The following TLR4 variants were observed in gnomAD, a reference collection of about 807,000 sequenced individuals.
The protein encoded by TLR4 is toll-like receptor 4.
In TLR4, 17 loss-of-function variants were observed where a neutral mutation model predicts 27.4. The observed-to-expected ratio is 0.62, with a 90% CI of 0.42 to 0.93. The LOEUF is 0.93. Among genes scored for constraint, TLR4 ranks in the 40% least tolerant of loss-of-function variants. TLR4 has a pLI of 0.00. For missense variants in TLR4, 926 were observed against 962.3 expected (o/e 0.96, Z 0.50); for synonymous variants, 363 against 365.7 (o/e 0.99, Z 0.08).
intron 1 of TLR4, among the ~76,000 whole-genome samples, chr9:117,707,252 C>T (rs184189026): frequency 6.6e-5 from 10 of 152,268 alleles, no homozygotes; most frequent in Non-Finnish European, 1.2e-4. Flanking sequence ...AGCAGACATA[C>T]GAATGAAGAT....
Position 117,714,448 on chromosome 9 carries a change from G to A in TLR4, c.2320G>A (p.Val774Met), listed in dbSNP as rs1829305257. 4 of 1,613,918 alleles carry A rather than the reference G, an allele frequency of 2.5e-6. No homozygotes were observed. The highest frequency in any genetic ancestry group is 2.5e-6 in the Non-Finnish European group (3 of 1,179,994). ...AGIIFIVLQK[V>M]EKTLLRQQVE... ...TATCATCTTCATTGTCCTGCAGAAG[G>A]TGGAGAAGACCCTGCTCAGGCAGCA... The change falls in exon 3 of 3, where the codon GTG (valine) becomes ATG (methionine). Residue 774 changes from valine to methionine, a missense_variant. By Grantham distance (21) the Val-to-Met change is conservative (BLOSUM62 1). Transcript: ENST00000355622.
rs1308429970 is a variant in TLR4, at chr9:117,717,659, CG to C, written c.*3012del. 6.6e-6 allele frequency: 1 copy of C among 151,992 alleles called. No individual in the cohort carries two copies. Among genetic ancestry groups the C allele is most frequent in the Non-Finnish European group, 1.5e-5 (1 of 68,004 alleles). 9.4% of individuals were successfully genotyped at this position (151,992 alleles called of 1,614,324 possible). ...GAAAATGTATGATTTTGTGTATATC[CG>C]TGCTACATGTAAGTGTGGTTCTATT... On this transcript the variant is annotated 3_prime_UTR_variant, in exon 3 of 3. Coordinates refer to ENST00000355622, the MANE Select transcript of TLR4 (RefSeq NM_138554.5).
rs1829423035 is a variant in TLR4, at chr9:117,721,546, A to G, written c.*6898A>G. 2 of 152,242 alleles carry G rather than the reference A, an allele frequency of 1.3e-5. No homozygotes were observed. Among genetic ancestry groups the G allele is most frequent in the South Asian group, 4.1e-4 (2 of 4,834 alleles). 9.4% of individuals were successfully genotyped at this position (152,242 alleles called of 1,614,324 possible). A position where few individuals can be genotyped will look rare whatever the true frequency, so the allele number is the denominator to read the frequency against. ...AAGATGACAAAGTTGAGCAGGTCCCAAACTCTCACTTTTAAACAAATGCTT... is the reference window on the plus strand; with the variant it reads ...AAGATGACAAAGTTGAGCAGGTCCCGAACTCTCACTTTTAAACAAATGCTT... On this transcript the variant is annotated 3_prime_UTR_variant, in exon 3 of 3. Transcript: ENST00000355622.
chr9:117,713,221 A>G lies in TLR4; in HGVS notation c.1093A>G (p.Asn365Asp). 2.5e-6 allele frequency: 4 copies of G among 1,613,988 alleles called. No homozygotes were observed. The highest frequency in any genetic ancestry group is 1.1e-5 in the South Asian group (1 of 91,076). ...TACTTTCACTTCCAACAAAGGTGGG[A>G]ATGCTTTTTCAGAAGTTGATCTACC... ...RLTFTSNKGG[N>D]AFSEVDLPSL... Residue 365 changes from asparagine (N) to aspartate (D), a missense_variant, in exon 3 of 3, where the codon AAT becomes GAT. Physicochemically the swap from Asn to Asp is conservative, Grantham distance 23 (BLOSUM62 1). Coordinates refer to ENST00000355622, the MANE Select transcript of TLR4 (RefSeq NM_138554.5).
rs55871844 is a variant in TLR4 at position 117,716,890 on chromosome 9, A to G, written c.*2242A>G. ...ATATCAATTATGTCTGAATGAAGCT[A>G]TAAAAAAGAAAAGACAACAAAATTC... On this transcript the variant is annotated 3_prime_UTR_variant, in exon 3 of 3. Coordinates refer to ENST00000355622, the MANE Select transcript of TLR4 (RefSeq NM_138554.5). 1 of 152,216 alleles carries G rather than the reference A, an allele frequency of 6.6e-6. No individual in the cohort carries two copies. The highest frequency in any genetic ancestry group is 2.1e-4 in the South Asian group (1 of 4,832). The allele number at this position is 152,216 out of a possible 1,614,324, so 9.4% of individuals were successfully genotyped here.
intron 1 of TLR4, 53 bp downstream of exon 1, chr9:117,704,618 T>G (rs2131160196): frequency 6.7e-7 from 1 of 1,488,598 alleles, no homozygotes; most frequent in South Asian, 1.1e-5. Flanking sequence ...TGCCCAGAAC[T>G]TCTCACTGTG....
rs559949755 is a variant in TLR4, at chr9:117,713,145, C to T, written c.1017C>T (p.Asn339=). 1 of 1,613,376 alleles carries T rather than the reference C, an allele frequency of 6.2e-7. No homozygotes were observed. Among genetic ancestry groups the T allele is most frequent in the South Asian group, 1.1e-5 (1 of 91,028 alleles). ...NFGWQHLELV[N]CKFGQFPTLK... is the part of the protein sequence containing the mutation. ...GATGGCAACATTTAGAATTAGTTAA[C>T]TGTAAATTTGGACAGTTTCCCACAT... The change falls in exon 3 of 3, where the codon AAC becomes AAT. Residue 339 remains asparagine, a synonymous_variant. Coordinates refer to ENST00000355622, the MANE Select transcript of TLR4 (RefSeq NM_138554.5).
intron 2 of TLR4, among the ~76,000 whole-genome samples, chr9:117,711,077 T>C (rs1251447913): frequency 1.3e-5 from 2 of 152,132 alleles, no homozygotes; most frequent in South Asian, 2.1e-4. Flanking sequence ...ATGTGATAAC[T>C]AAAACCTAGA....
chr9:117,714,701 C>A lies in TLR4; in HGVS notation c.*53C>A. ...ATTTCTTGCCCAGCTGGGTCCAACA[C>A]TTGTTCAGTTAATAAGTATTAAATG... On this transcript the variant is annotated 3_prime_UTR_variant, in exon 3 of 3. Transcript: ENST00000355622. 1 of 1,494,750 alleles carries A rather than the reference C, an allele frequency of 6.7e-7. No individual in the cohort carries two copies. The highest frequency in any genetic ancestry group is 9.3e-7 in the Non-Finnish European group (1 of 1,077,972). 92.6% of individuals were successfully genotyped at this position (1,494,750 alleles called of 1,614,324 possible). A position where few individuals can be genotyped will look rare whatever the true frequency, so the allele number is the denominator to read the frequency against.
At position 117,716,597 on chromosome 9, in the gene TLR4, G is replaced by A. The variant is rs1480083531; in HGVS notation, c.*1949G>A. On this transcript the variant is annotated 3_prime_UTR_variant, in exon 3 of 3. Transcript: ENST00000355622. ...TGAGGAAATAGGGAGTTGTCTAATT[G>A]GTATAAAATTATAGTATGCAAGATG... The A allele has an allele frequency of 6.6e-6, 1 of 152,064 alleles. No homozygotes were observed. The highest frequency in any genetic ancestry group is 2.4e-5 in the African/African-American group (1 of 41,418). 9.4% of individuals were successfully genotyped at this position (152,064 alleles called of 1,614,324 possible). A position where few individuals can be genotyped will look rare whatever the true frequency, so the allele number is the denominator to read the frequency against.
chr9:117,704,536 A>G lies in TLR4; in HGVS notation c.64A>G (p.Arg22Gly), dbSNP rs141676121. Reference protein sequence around the residue: ...IPAMAFLSCVRPESWEPCVEV... With the variant: ...IPAMAFLSCVGPESWEPCVEV... Reference sequence around the variant, plus strand: ...AGCCATGGCCTTCCTCTCCTGCGTGAGACCAGAAAGCTGGGAGCCCTGCGT... The same window carrying G: ...AGCCATGGCCTTCCTCTCCTGCGTGGGACCAGAAAGCTGGGAGCCCTGCGT... The change falls in exon 1 of 3, where the codon AGA becomes GGA. Residue 22 changes from arginine to glycine, a missense_variant. Coordinates refer to ENST00000355622, the MANE Select transcript of TLR4 (RefSeq NM_138554.5). 1.6e-4 allele frequency: 254 copies of G among 1,613,850 alleles called. No homozygotes were observed. Among genetic ancestry groups the G allele is most frequent in the Non-Finnish European group, 1.7e-4 (200 of 1,179,976 alleles).
In TLR4 at chr9:117,724,670, A is replaced by G. The variant is rs1829458369; in HGVS notation, c.*10022A>G. The G allele has an allele frequency of 6.6e-6, 1 of 151,696 alleles. No homozygotes were observed. Among genetic ancestry groups the G allele is most frequent in the Non-Finnish European group, 1.5e-5 (1 of 67,976 alleles). 9.4% of individuals were successfully genotyped at this position (151,696 alleles called of 1,614,324 possible). On this transcript the variant is annotated 3_prime_UTR_variant, in exon 3 of 3. Transcript: ENST00000355622. ...TCGGCTTAAAATGGGGATAATATCT[A>G]CCTCTCAGTTTTGTTGGCAGTTCAG...
Position 117,714,823 on chromosome 9 carries a change from A to G in TLR4, c.*175A>G. The G allele has an allele frequency of 3.0e-6, 2 of 661,464 alleles. No homozygotes were observed. The highest frequency in any genetic ancestry group is 3.5e-5 in the South Asian group (2 of 57,634). The allele number at this position is 661,464 out of a possible 1,614,324, so 41.0% of individuals were successfully genotyped here. On this transcript the variant is annotated 3_prime_UTR_variant, in exon 3 of 3. Coordinates refer to ENST00000355622, the MANE Select transcript of TLR4 (RefSeq NM_138554.5). ...TCAAGGAGCTTCCAGTGCAGAGGGA[A>G]TAAATGCTAGACTAAAATACAGAGT...
intron 1 of TLR4, among the ~76,000 whole-genome samples, chr9:117,707,656 A>G (rs561700427): frequency 2.6e-5 from 4 of 152,212 alleles, no homozygotes; most frequent in Non-Finnish European, 5.9e-5. Context: ...AAAGCAGTGT[A>G]AAAACAAAGA....
chr9:117,712,491 C>G lies in TLR4; in HGVS notation c.363C>G (p.Ala121=). Residue 121 remains alanine (A), a synonymous_variant, in exon 3 of 3, where the codon GCC becomes GCG. Coordinates refer to ENST00000355622, the MANE Select transcript of TLR4 (RefSeq NM_138554.5). ...GNPIQSLALG[A]FSGLSSLQKL... is the part of the protein sequence containing the mutation. The stretch of plus-strand genomic sequence containing the variant: ...CCATCCAGAGTTTAGCCCTGGGAGC[C>G]TTTTCTGGACTATCAAGTTTACAGA... The G allele has an allele frequency of 6.2e-7, 1 of 1,613,866 alleles. No homozygotes were observed. Among genetic ancestry groups the G allele is most frequent in the Non-Finnish European group, 8.5e-7 (1 of 1,179,928 alleles).
chr9:117,714,487 C>T lies in TLR4; in HGVS notation c.2359C>T (p.Arg787Cys), dbSNP rs750790595. 32 of 1,613,594 alleles carry T rather than the reference C, an allele frequency of 2.0e-5. No homozygotes were observed. The South Asian group carries it at 2.2e-4, about 11-fold the overall frequency. ...TLLRQQVELYRLLSRNTYLEW... is the reference protein window; with the variant it reads ...TLLRQQVELYCLLSRNTYLEW... ...GCTCAGGCAGCAGGTGGAGCTGTAC[C>T]GCCTTCTCAGCAGGAACACTTACCT... The change falls in exon 3 of 3, where the codon CGC (arginine) becomes TGC (cysteine). Residue 787 changes from arginine (R) to cysteine (C), a missense_variant. Transcript: ENST00000355622.
At position 117,714,027 on chromosome 9, in the gene TLR4, C is replaced by A. The variant is rs140661916; in HGVS notation, c.1899C>A (p.Ile633=). 1.2e-5 allele frequency: 19 copies of A among 1,613,786 alleles called. No individual in the cohort carries two copies. Among genetic ancestry groups the A allele is most frequent in the Non-Finnish European group, 1.6e-5 (19 of 1,179,974 alleles). The change falls in exon 3 of 3, where the codon ATC becomes ATA. Residue 633 remains isoleucine (I), a synonymous_variant. Coordinates refer to ENST00000355622, the MANE Select transcript of TLR4 (RefSeq NM_138554.5). ...LNITCQMNKT[I]IGVSVLSVLV... is the part of the protein sequence containing the mutation. ...TCACCTGTCAGATGAATAAGACCAT[C>A]ATTGGTGTGTCGGTCCTCAGTGTGC...
At position 117,716,185 on chromosome 9, in the gene TLR4, A is replaced by T. The variant is rs201536247; in HGVS notation, c.*1537A>T. The T allele has an allele frequency of 4.6e-5, 7 of 152,186 alleles. No individual in the cohort carries two copies. Among genetic ancestry groups the T allele is most frequent in the Non-Finnish European group, 1.0e-4 (7 of 68,050 alleles). 9.4% of individuals were successfully genotyped at this position (152,186 alleles called of 1,614,324 possible). A position where few individuals can be genotyped will look rare whatever the true frequency, so the allele number is the denominator to read the frequency against. Reference sequence around the variant, plus strand: ...AAATTAAAAATAGAACTGCTATATGATCCAGCAATCTCACTTCTGTATATA... The same window carrying T: ...AAATTAAAAATAGAACTGCTATATGTTCCAGCAATCTCACTTCTGTATATA... On this transcript the variant is annotated 3_prime_UTR_variant, in exon 3 of 3. Transcript: ENST00000355622.
chr9:117,708,715 G>A lies in TLR4; in HGVS notation c.246G>A (p.Val82=), dbSNP rs78293159. 6.2e-7 allele frequency: 1 copy of A among 1,613,834 alleles called. No individual in the cohort carries two copies. The highest frequency in any genetic ancestry group is 2.2e-5 in the East Asian group (1 of 44,874). ...YSFFSFPELQ[V]LDLSRCEIQT... is the part of the protein sequence containing the mutation. ...TCTTCAGTTTCCCAGAACTGCAGGTGCTGGATTTATCCAGGTAATGAATCC... is the reference window on the plus strand; with the variant it reads ...TCTTCAGTTTCCCAGAACTGCAGGTACTGGATTTATCCAGGTAATGAATCC... The change falls in exon 2 of 3, where the codon GTG becomes GTA. Residue 82 remains valine (V), a synonymous_variant. Coordinates refer to ENST00000355622, the MANE Select transcript of TLR4 (RefSeq NM_138554.5).
Sources: gnomAD v4.1 joint callset for allele counts (sites outside exome capture counted in the v4.1 genomes callset) on GRCh38, gnomAD v4.1.1 for gene constraint, MANE v1.5 for transcripts, NCBI Gene and HGNC (gene_info 2026-07-23, HGNC 2026-07-21) for gene names.